NFIA: variants seen among roughly 807,000 people sequenced by gnomAD.
NFIA encodes the protein nuclear factor 1 A-type.
A neutral mutation model predicts 62.8 loss-of-function variants in NFIA; 8 were observed. That is an observed-to-expected ratio of 0.13 (90% CI 0.07 to 0.23). The LOEUF (loss-of-function observed/expected upper bound fraction) is 0.23, where lower values mean the gene tolerates loss of function less well. NFIA is among the 10% of genes least tolerant of loss of function. NFIA has a pLI of 1.00. For missense variants in NFIA, 410 were observed against 642.1 expected, an observed-to-expected ratio of 0.64 and a Z score of 3.91; for synonymous variants, 235 against 238.1, an observed-to-expected ratio of 0.99 and a Z score of 0.12.
intron 2 of NFIA, among the ~76,000 whole-genome samples, chr1:61,211,277 G>T (rs1653239402): frequency 6.6e-6 from 1 of 152,188 alleles, no homozygotes; most frequent in Non-Finnish European, 1.5e-5. Flanking sequence ...ATGTTTCTCA[G>T]TCATTGAGAC....
upstream of NFIA, chr1:61,081,794 G>A: frequency 5.8e-6 from 8 of 1,369,792 alleles, no homozygotes; most frequent in Non-Finnish European, 6.9e-6. Context: ...CACAAAGTTT[G>A]CAGGATTGTG....
At chr1:61,226,506 G>C (rs1235485011) in intron 2 of NFIA, among the ~76,000 whole-genome samples, 1 of 152,128 alleles carries the variant, frequency 6.6e-6, no homozygotes, top group African/African-American at 2.4e-5. Flanking sequence ...CTGCTTCTCA[G>C]GGATTGCAGG....
intron 10 of NFIA, among the ~76,000 whole-genome samples, chr1:61,430,163 C>G (rs1667040110): frequency 6.6e-6 from 1 of 152,196 alleles, no homozygotes; most frequent in African/African-American, 2.4e-5. Context: ...GTAAAAAATT[C>G]TGTAAAACAG....
intron 2 of NFIA, among the ~76,000 whole-genome samples, chr1:61,094,638 A>G (rs867880837): frequency 9.9e-5 from 15 of 152,110 alleles, no homozygotes; most frequent in African/African-American, 1.7e-4. Flanking sequence ...AGTATTGTCA[A>G]ATTTTTGGCT....
chr1:61,080,317 C>CT (rs892033570), upstream of NFIA, among the ~76,000 whole-genome samples: 10 of 151,562 alleles, frequency 6.6e-5, no homozygotes, highest in Non-Finnish European at 1.2e-4. Flanking sequence ...CATGCCAGTC[C>CT]TTTTTAAAAA....
chr1:61,144,323 G>A (rs950771074), intron 2 of NFIA, among the ~76,000 whole-genome samples: 1 of 152,232 alleles, frequency 6.6e-6, no homozygotes, highest in African/African-American at 2.4e-5. Flanking sequence ...GTGAGAACCA[G>A]TATTCTAGAA....
intron 2 of NFIA, among the ~76,000 whole-genome samples, chr1:61,142,034 T>C (rs1259699868): frequency 6.6e-6 from 1 of 152,002 alleles, no homozygotes; most frequent in East Asian, 1.9e-4. Flanking sequence ...ACAGTTAAAA[T>C]AGAAAGAAGA....
rs115365757 is a variant in NFIA, at chr1:61,270,880, A to T, written c.560-6640A>T. Among the ~76,000 whole-genome samples the T allele has an allele frequency of 4.5e-3, 688 of 152,348 alleles. 3 individuals carry two copies. The highest frequency in any genetic ancestry group is 0.02 in the Middle Eastern group (6 of 294). ...GTGAACACAGCGCCTCTTATGGGGA[A>T]AACAAAATTCAAAATGATTACCTAG... On this transcript the variant is annotated intron_variant, in intron 2 of 10. Coordinates refer to ENST00000403491, the MANE Select transcript of NFIA (RefSeq NM_001134673.4).
chr1:61,082,606 G>T lies in NFIA; in HGVS notation c.-186G>T. 6.7e-7 allele frequency: 1 copy of T among 1,495,002 alleles called. No individual in the cohort carries two copies. Among genetic ancestry groups the T allele is most frequent in the African/African-American group, 1.4e-5 (1 of 71,702 alleles). The allele number at this position is 1,495,002 out of a possible 1,614,324, so 92.6% of individuals were successfully genotyped here. On this transcript the variant is annotated 5_prime_UTR_variant, in exon 1 of 11. Coordinates refer to ENST00000403491, the MANE Select transcript of NFIA (RefSeq NM_001134673.4). Reference sequence around the variant, plus strand: ...GGAGCGGCAATAGCGCTGGCTGGCTGGCTGCAGTTGAGCCGACTTGGAAAT... The same window carrying T: ...GGAGCGGCAATAGCGCTGGCTGGCTTGCTGCAGTTGAGCCGACTTGGAAAT...
intron 6 of NFIA, among the ~76,000 whole-genome samples, chr1:61,365,429 A>G (rs1663536231): frequency 6.6e-6 from 1 of 152,172 alleles, no homozygotes; most frequent in Admixed American, 6.5e-5. Context: ...CTTTAAAACA[A>G]TTCTAGATAG....
chr1:61,417,680 T>C (rs1411933256), intron 9 of NFIA, among the ~76,000 whole-genome samples: 1 of 152,214 alleles, frequency 6.6e-6, no homozygotes, highest in African/African-American at 2.4e-5. Flanking sequence ...GTGTTATCTT[T>C]TTTAATTGTT....
At chr1:61,091,383 T>C (rs932143267) in intron 2 of NFIA, among the ~76,000 whole-genome samples, 1 of 152,192 alleles carries the variant, frequency 6.6e-6, no homozygotes, top group Non-Finnish European at 1.5e-5. Context: ...CTAAGACTTA[T>C]TGACATGCTA....
intron 7 of NFIA, among the ~76,000 whole-genome samples, chr1:61,384,479 G>T (rs761388890): frequency 1.3e-5 from 2 of 152,116 alleles, no homozygotes; most frequent in African/African-American, 4.8e-5. Context: ...ACTTTCTCAA[G>T]ATCCCTTCTT....
At chr1:61,449,206 T>C (rs1667956564) in intron 10 of NFIA, among the ~76,000 whole-genome samples, 1 of 152,146 alleles carries the variant, frequency 6.6e-6, no homozygotes, top group African/African-American at 2.4e-5. Context: ...CTTGTGTCCC[T>C]CGAGGGAGAG....
intron 3 of NFIA, among the ~76,000 whole-genome samples, chr1:61,296,583 A>G (rs950217104): frequency 6.6e-6 from 1 of 152,144 alleles, no homozygotes; most frequent in South Asian, 2.1e-4. Flanking sequence ...CTGGTCTAAA[A>G]TATCTGTCAA....
intron 2 of NFIA, among the ~76,000 whole-genome samples, chr1:61,101,295 C>T (rs1199798946): frequency 4.6e-5 from 7 of 150,650 alleles, no homozygotes; most frequent in South Asian, 2.1e-4. Flanking sequence ...CTCGGGAGGC[C>T]GAGGCAGGAG....
chr1:61,159,406 A>G (rs1216576552), intron 2 of NFIA, among the ~76,000 whole-genome samples: 1 of 152,102 alleles, frequency 6.6e-6, no homozygotes, highest in East Asian at 1.9e-4. Context: ...TCAACTGGGG[A>G]TCTTGTTAAA....
intron 9 of NFIA, among the ~76,000 whole-genome samples, chr1:61,421,266 A>C (rs1366864791): frequency 1.3e-5 from 2 of 152,174 alleles, no homozygotes; most frequent in Non-Finnish European, 2.9e-5. Flanking sequence ...TGGGGATAGC[A>C]GCGTGTCTCA....
At chr1:61,300,438 A>C (rs1166248037) in intron 3 of NFIA, among the ~76,000 whole-genome samples, 3 of 152,110 alleles carry the variant, frequency 2.0e-5, no homozygotes, top group Non-Finnish European at 4.4e-5. Flanking sequence ...AAGAACTCTA[A>C]ATACTTACTT....
Sources: gnomAD v4.1 joint callset for allele counts (sites outside exome capture counted in the v4.1 genomes callset) on GRCh38, gnomAD v4.1.1 for gene constraint, MANE v1.5 for transcripts, NCBI Gene and HGNC (gene_info 2026-07-23, HGNC 2026-07-21) for gene names.